The following CASZ1 variants were observed in gnomAD, a reference collection of about 807,000 sequenced individuals.
CASZ1 encodes zinc finger protein castor homolog 1.
A neutral mutation model predicts 135.2 loss-of-function variants in CASZ1; 28 were observed. The observed-to-expected ratio is 0.21, with a 90% CI of 0.15 to 0.28. CASZ1 has a LOEUF of 0.28. Ranked by LOEUF, CASZ1 falls within the 10% of genes least tolerant of loss-of-function variation. The probability of loss-of-function intolerance (pLI) is 1.00; values close to 1 mark genes in which losing one functional copy is unlikely to be tolerated. For missense variants in CASZ1, 2,161 were observed against 2,453.3 expected, an observed-to-expected ratio of 0.88 and a Z score of 2.52; for synonymous variants, 1,068 against 1,073.4, an observed-to-expected ratio of 0.99 and a Z score of 0.10.
intron 1 of CASZ1, among the ~76,000 whole-genome samples, chr1:10,783,265 GTGTGTGTGTGTGTA>G (rs1388658780): frequency 6.6e-6 from 1 of 151,622 alleles, no homozygotes; most frequent in Admixed American, 6.6e-5. Flanking sequence ...GTGTGTGTGT[GTGTGTGTGTGTGTA>G]TGTGTGTGTA....
intron 4 of CASZ1, among the ~76,000 whole-genome samples, chr1:10,668,065 CA>C (rs1643290630): frequency 6.6e-6 from 1 of 152,344 alleles, no homozygotes; most frequent in Non-Finnish European, 1.5e-5. Context: ...TTGCTGGTCC[CA>C]GGGGTGGAGG....
At chr1:10,669,245 C>G (rs1323675134) in intron 4 of CASZ1, among the ~76,000 whole-genome samples, 1 of 152,240 alleles carries the variant, frequency 6.6e-6, no homozygotes, top group East Asian at 1.9e-4. Context: ...CTCCCGAAGG[C>G]TGGGACTTGG....
Position 10,725,351 on chromosome 1 carries a change from C to T in CASZ1, c.-76-19807G>A, listed in dbSNP as rs1035985758. ...GCTGTCAGCTGAGCTCCCCTCCCGC[C>T]CTCCCTCTCCGGCAGGCTCCTCTCA... On this transcript the variant is annotated intron_variant, in intron 2 of 20. Transcript: ENST00000377022. The surrounding 1 kb of genome is among the most constrained non-coding windows in gnomAD (Gnocchi z 4.4). Among the ~76,000 whole-genome samples, 4 of 152,174 alleles carry T rather than the reference C, an allele frequency of 2.6e-5. No homozygotes were observed. Among genetic ancestry groups the T allele is most frequent in the African/African-American group, 9.7e-5 (4 of 41,442 alleles).
rs568540851 is a variant in CASZ1 at position 10,732,522 on chromosome 1, A to G, written c.-76-26978T>C. Among the ~76,000 whole-genome samples the G allele has an allele frequency of 9.9e-5, 15 of 152,248 alleles. No homozygotes were observed. In the East Asian group the frequency reaches 2.9e-3, roughly 29 times the overall value. On this transcript the variant is annotated intron_variant, in intron 2 of 20. Coordinates refer to ENST00000377022, the MANE Select transcript of CASZ1 (RefSeq NM_001079843.3). ...CAGCTGCGATGATTCTCTGGCCCAC[A>G]GCTGGCCTTAGAGGTGGTGTGGGCC...
chr1:10,768,205 CGTTTGTTT>C (rs113559571), intron 1 of CASZ1, among the ~76,000 whole-genome samples: 6 of 151,858 alleles, frequency 4.0e-5, no homozygotes, highest in Admixed American at 6.6e-5. Flanking sequence ...CATTATTGTT[CGTTTGTTT>C]GTTTGTTTGT....
chr1:10,690,495 C>A (rs1013777611), intron 4 of CASZ1, among the ~76,000 whole-genome samples: 2 of 152,226 alleles, frequency 1.3e-5, no homozygotes, highest in African/African-American at 4.8e-5. Flanking sequence ...TCCCACGCTT[C>A]CTGGCCTCCC....
intron 2 of CASZ1, among the ~76,000 whole-genome samples, chr1:10,754,680 G>A (rs1007613894): frequency 5.3e-5 from 8 of 152,276 alleles, no homozygotes; most frequent in African/African-American, 1.4e-4. Flanking sequence ...CCTCCTCCCC[G>A]CAGCTGGGAC....
intron 3 of CASZ1, among the ~76,000 whole-genome samples, chr1:10,704,741 G>A (rs570243558): frequency 9.2e-5 from 14 of 152,358 alleles, no homozygotes; most frequent in African/African-American, 3.1e-4. Context: ...CTCGCCCGCC[G>A]GGCAGGCCCC....
intron 1 of CASZ1, among the ~76,000 whole-genome samples, chr1:10,785,498 A>G (rs1338723197): frequency 6.6e-6 from 1 of 152,198 alleles, no homozygotes; most frequent in African/African-American, 2.4e-5. Flanking sequence ...CATCTTCCAT[A>G]AGTGCCCCTC....
intron 2 of CASZ1, among the ~76,000 whole-genome samples, chr1:10,732,381 G>A (rs1039319825): frequency 1.3e-4 from 20 of 151,002 alleles, no homozygotes; most frequent in Non-Finnish European, 1.0e-4. Context: ...AACTTTAAGA[G>A]CCCCAATACT....
At chr1:10,688,760 A>G (rs1169859209) in intron 4 of CASZ1, among the ~76,000 whole-genome samples, 1 of 152,150 alleles carries the variant, frequency 6.6e-6, no homozygotes, top group East Asian at 1.9e-4. Flanking sequence ...CCAGGCAGCC[A>G]GAGGGGTGTG....
intron 2 of CASZ1, among the ~76,000 whole-genome samples, chr1:10,742,209 C>T (rs932991277): frequency 3.9e-5 from 6 of 152,096 alleles, no homozygotes; most frequent in African/African-American, 7.2e-5. Flanking sequence ...GCAAGAACCA[C>T]GGAGGAGGAC....
rs575650869 is a variant in CASZ1, at chr1:10,655,694, G to A, written c.1620C>T (p.His540=). 5.6e-5 allele frequency: 91 copies of A among 1,614,100 alleles called. No homozygotes were observed. Among genetic ancestry groups the A allele is most frequent in the African/African-American group, 2.3e-4 (17 of 75,072 alleles). ...TGCTCTTCCCATTGAGGTGGCAGCC[G>A]TGGTAGTAGACGCTGCAGTCGTCCA... is the stretch of plus-strand genomic sequence containing the variant. ...SPLDDCSVYY[H]GCHLNGKSTH... The change falls in exon 9 of 21, where the codon CAC becomes CAT. Residue 540 remains histidine, a synonymous_variant. Coordinates refer to ENST00000377022, the MANE Select transcript of CASZ1 (RefSeq NM_001079843.3).
chr1:10,737,585 T>C (rs1054926847), intron 2 of CASZ1, among the ~76,000 whole-genome samples: 6 of 152,198 alleles, frequency 3.9e-5, no homozygotes, highest in African/African-American at 1.4e-4. Context: ...CTGGGGGACC[T>C]CCCAGACCTG....
chr1:10,790,919 T>C (rs1330095375), intron 1 of CASZ1, among the ~76,000 whole-genome samples: 1 of 151,946 alleles, frequency 6.6e-6, no homozygotes, highest in Non-Finnish European at 1.5e-5. Context: ...TCATGAGGAA[T>C]CTTATTAGCA....
chr1:10,748,512 C>A (rs1337628873), intron 2 of CASZ1, among the ~76,000 whole-genome samples: 1 of 152,196 alleles, frequency 6.6e-6, no homozygotes, highest in Non-Finnish European at 1.5e-5. Context: ...CAGAGGAGTA[C>A]AATGAGGCTA....
chr1:10,692,871 G>A (rs948893872), intron 4 of CASZ1, among the ~76,000 whole-genome samples: 10 of 152,192 alleles, frequency 6.6e-5, no homozygotes, highest in East Asian at 1.9e-4. Context: ...AATGAACCAG[G>A]AGAGTTCAGA....
Position 10,788,641 on chromosome 1 carries a change from C to T in CASZ1, c.-234+7923G>A, listed in dbSNP as rs968562224. 5.3e-5 allele frequency among the ~76,000 whole-genome samples: 8 copies of T among 152,312 alleles called. No homozygotes were observed. The East Asian group carries it at 9.7e-4, about 18-fold the overall frequency. On this transcript the variant is annotated intron_variant, in intron 1 of 20. Coordinates refer to ENST00000377022, the MANE Select transcript of CASZ1 (RefSeq NM_001079843.3). The surrounding 1 kb of genome is among the most constrained non-coding windows in gnomAD (Gnocchi z 4.1). ...CACACCCAGGTGGCCAAGGATGGAA[C>T]AGGCGGAGACCACAGGCAGGACTCC...
chr1:10,781,185 A>G (rs536234814), intron 1 of CASZ1, among the ~76,000 whole-genome samples: 1 of 152,246 alleles, frequency 6.6e-6, no homozygotes, highest in South Asian at 2.1e-4. Flanking sequence ...CTGGGAGGAG[A>G]GAAGCTCCTC....
Sources: allele counts gnomAD v4.1 joint callset (sites outside exome capture counted in the v4.1 genomes callset), GRCh38; gene constraint gnomAD v4.1.1; non-coding constraint Gnocchi (gnomAD v3.1); transcripts MANE v1.5; gene names NCBI Gene and HGNC (gene_info 2026-07-23, HGNC 2026-07-21).